EDC3: variants seen among roughly 807,000 people sequenced by gnomAD.
EDC3 encodes the protein enhancer of mRNA-decapping protein 3.
Under a neutral mutation model 41.8 loss-of-function variants are expected in EDC3, and 20 were observed. The ratio of observed to expected loss-of-function variants is 0.48; its 90% CI spans 0.34 to 0.70. EDC3 has a LOEUF of 0.70. EDC3 is among the 30% of genes least tolerant of loss of function. The pLI, the probability that EDC3 is intolerant of heterozygous loss-of-function variation, is 0.01. For synonymous variants in EDC3, 206 were observed against 243.2 expected (o/e 0.85, Z 1.42); for missense variants, 444 against 636.8 (o/e 0.70, Z 3.26).
intron 4 of EDC3, among the ~76,000 whole-genome samples, chr15:74,655,009 T>G (rs1374474856): frequency 6.6e-6 from 1 of 152,236 alleles, no homozygotes; most frequent in Non-Finnish European, 1.5e-5. Flanking sequence ...CAAACCATAT[T>G]CCAAGAGGCC....
intron 3 of EDC3, among the ~76,000 whole-genome samples, chr15:74,665,295 G>A (rs2062665005): frequency 6.6e-6 from 1 of 152,230 alleles, no homozygotes; most frequent in African/African-American, 2.4e-5. Flanking sequence ...CAAAGTGCTG[G>A]GATTAGAGAC....
Position 74,655,961 on chromosome 15 carries a change from C to T in EDC3, c.592G>A (p.Glu198Lys). ...AAATCAAAATCTGTGTCTGGGATCT[C>T]CTCAATATCATCCCCGAAGCACTCG... ...DDECFGDDIE[E>K]IPDTDFDFEG... The change falls in exon 4 of 7, where the codon GAG becomes AAG. Residue 198 changes from glutamate to lysine, a missense_variant. Coordinates refer to ENST00000315127, the MANE Select transcript of EDC3 (RefSeq NM_025083.5). 1 of 1,613,996 alleles carries T rather than the reference C, an allele frequency of 6.2e-7. No homozygotes were observed. Among genetic ancestry groups the T allele is most frequent in the Non-Finnish European group, 8.5e-7 (1 of 1,180,018 alleles).
intron 1 of EDC3, among the ~76,000 whole-genome samples, chr15:74,691,057 G>A (rs2063002104): frequency 6.6e-6 from 1 of 151,368 alleles, no homozygotes; most frequent in South Asian, 2.1e-4. Flanking sequence ...TTAGTCAGAA[G>A]TGTTGGGAGG....
At chr15:74,666,298 T>C (rs192344380) in intron 3 of EDC3, among the ~76,000 whole-genome samples, 1 of 152,290 alleles carries the variant, frequency 6.6e-6, no homozygotes, top group East Asian at 1.9e-4. Context: ...TCCAAACTAA[T>C]CTGGATTCTA....
chr15:74,665,824 G>A (rs1481291364), intron 3 of EDC3, among the ~76,000 whole-genome samples: 1 of 144,732 alleles, frequency 6.9e-6, no homozygotes, highest in Non-Finnish European at 1.5e-5. Flanking sequence ...TTGAGACAGA[G>A]TTTTGCTTTG....
intron 6 of EDC3, 136 bp from the exon 7 acceptor site, chr15:74,633,082 C>G: frequency 1.0e-6 from 1 of 975,372 alleles, no homozygotes. Context: ...GGCTGGCCTT[C>G]TTAAAGCTGG....
intron 3 of EDC3, among the ~76,000 whole-genome samples, chr15:74,667,576 T>TAA (rs762908484): frequency 8.4e-6 from 1 of 119,666 alleles, no homozygotes; most frequent in Non-Finnish European, 1.8e-5. Context: ...ACCTAAGTAC[T>TAA]AAAAAAAAAA....
chr15:74,651,755 C>T (rs76785878), intron 4 of EDC3, among the ~76,000 whole-genome samples: 5,926 of 152,300 alleles, frequency 0.039, 150 homozygotes, highest in Middle Eastern at 0.13. Context: ...TGAGAGACTG[C>T]AGTACTAAAG....
chr15:74,687,811 C>T (rs956782251), intron 1 of EDC3, among the ~76,000 whole-genome samples: 1 of 152,146 alleles, frequency 6.6e-6, no homozygotes, highest in Non-Finnish European at 1.5e-5. Flanking sequence ...GTTTCCTTTC[C>T]TATCATTTAT....
intron 3 of EDC3, among the ~76,000 whole-genome samples, chr15:74,658,781 A>C (rs1036288660): frequency 6.6e-6 from 1 of 151,984 alleles, no homozygotes; most frequent in African/African-American, 2.4e-5. Flanking sequence ...TCTACTAAAA[A>C]TACAAAAAAT....
intron 4 of EDC3, among the ~76,000 whole-genome samples, chr15:74,648,558 A>C (rs1220661436): frequency 6.6e-6 from 1 of 152,210 alleles, no homozygotes; most frequent in African/African-American, 2.4e-5. Context: ...CAGAAACCAG[A>C]ACTGCCTTTT....
chr15:74,670,118 G>C (rs2062723256), intron 3 of EDC3, among the ~76,000 whole-genome samples: 1 of 146,942 alleles, frequency 6.8e-6, no homozygotes, highest in African/African-American at 2.5e-5. Flanking sequence ...CCAGCCTCCT[G>C]AAGTAGTGAG....
At position 74,671,322 on chromosome 15, in the gene EDC3, T is replaced by C. The variant is rs1418556654; in HGVS notation, c.484+133A>G. 5 of 1,017,346 alleles carry C rather than the reference T, an allele frequency of 4.9e-6. No individual in the cohort carries two copies. The African/African-American group carries it at 8.0e-5, about 16-fold the overall frequency. 63.0% of individuals were successfully genotyped at this position (1,017,346 alleles called of 1,614,324 possible). A position where few individuals can be genotyped will look rare whatever the true frequency, so the allele number is the denominator to read the frequency against. On this transcript the variant is annotated intron_variant, in intron 3 of 6. Coordinates refer to ENST00000315127, the MANE Select transcript of EDC3 (RefSeq NM_025083.5). This position sits in a 1 kb window ranked among gnomAD's most constrained non-coding sequence, Gnocchi z 4.6. ...GAGGCCTGGAGGAAGAGAACCATGT[T>C]GTATTTCTGTGACGCTCAGCCAGCA...
At position 74,632,254 on chromosome 15, in the gene EDC3, G is replaced by C; in HGVS notation, c.*358C>G. 3.3e-6 allele frequency: 1 copy of C among 307,440 alleles called. No homozygotes were observed. The highest frequency in any genetic ancestry group is 4.0e-5 in the South Asian group (1 of 25,082). The allele number at this position is 307,440 out of a possible 1,614,324, so 19.0% of individuals were successfully genotyped here. On this transcript the variant is annotated 3_prime_UTR_variant, in exon 7 of 7. Transcript: ENST00000315127. The surrounding 1 kb of genome is among the most constrained non-coding windows in gnomAD (Gnocchi z 4.0). ...AGAGCAGGTACAGGCCCCCAGACAG[G>C]ACCTGGCCCACTCTTCAATGTGTGT...
intron 1 of EDC3, among the ~76,000 whole-genome samples, chr15:74,678,194 T>G (rs1278811936): frequency 1.3e-5 from 2 of 152,174 alleles, no homozygotes; most frequent in Non-Finnish European, 2.9e-5. Context: ...ACCCATAGAA[T>G]GTACAACACC....
At chr15:74,635,371 G>A (rs770391748) in intron 6 of EDC3, 38 bp downstream of exon 6, 2 of 1,590,926 alleles carry the variant, frequency 1.3e-6, no homozygotes, top group Non-Finnish European at 1.7e-6. Context: ...TGCTAAGGAG[G>A]GAGGAGGCCT....
intron 4 of EDC3, chr15:74,641,258 C>T (rs1361630920): frequency 6.6e-6 from 1 of 152,268 alleles, no homozygotes; most frequent in Admixed American, 6.5e-5. Context: ...TTGGGTGTAA[C>T]CCAGTACTCA....
At position 74,671,863 on chromosome 15, in the gene EDC3, C is replaced by G; in HGVS notation, c.165-89G>C. ...TCATTAGCAAACAGCTACCCCTTTG[C>G]AGGACTGCATTTTATTGAGTTATCA... On this transcript the variant is annotated intron_variant, in intron 2 of 6. Coordinates refer to ENST00000315127, the MANE Select transcript of EDC3 (RefSeq NM_025083.5). The surrounding 1 kb of genome is among the most constrained non-coding windows in gnomAD (Gnocchi z 4.6). 1 of 1,316,140 alleles carries G rather than the reference C, an allele frequency of 7.6e-7. No individual in the cohort carries two copies. Among genetic ancestry groups the G allele is most frequent in the Non-Finnish European group, 1.1e-6 (1 of 936,838 alleles). 81.5% of individuals were successfully genotyped at this position (1,316,140 alleles called of 1,614,324 possible).
rs368361738 is a variant in EDC3 at position 74,656,113 on chromosome 15, G to A, written c.485-45C>T. ...TAAAGTCAGTGTATCCACAGAAAGCGCTCAGTGAACGTGGAAAATACATTA... is the reference window on the plus strand; with the variant it reads ...TAAAGTCAGTGTATCCACAGAAAGCACTCAGTGAACGTGGAAAATACATTA... On this transcript the variant is annotated intron_variant, in intron 3 of 6. Transcript: ENST00000315127. 69 of 1,531,380 alleles carry A rather than the reference G, an allele frequency of 4.5e-5. No homozygotes were observed. The African/African-American group carries it at 6.8e-4, about 15-fold the overall frequency. 94.9% of individuals were successfully genotyped at this position (1,531,380 alleles called of 1,614,324 possible). A position where few individuals can be genotyped will look rare whatever the true frequency, so the allele number is the denominator to read the frequency against.
Sources: gnomAD v4.1 joint callset for allele counts (sites outside exome capture counted in the v4.1 genomes callset) on GRCh38, gnomAD v4.1.1 for gene constraint, Gnocchi (gnomAD v3.1) non-coding constraint, MANE v1.5 for transcripts, NCBI Gene and HGNC (gene_info 2026-07-23, HGNC 2026-07-21) for gene names.